The following MAGI2 variants were observed in gnomAD, a reference collection of about 807,000 sequenced individuals.
The protein encoded by MAGI2 is membrane-associated guanylate kinase, WW and PDZ domain-containing protein 2.
Under a neutral mutation model 133.3 loss-of-function variants are expected in MAGI2, and 35 were observed. That is an observed-to-expected ratio of 0.26 (90% CI 0.20 to 0.35). MAGI2 has a LOEUF of 0.35. Among genes scored for constraint, MAGI2 ranks in the 10% least tolerant of loss-of-function variants. The pLI is 1.00. For missense variants in MAGI2, 1,636 were observed against 1,863.4 expected, an observed-to-expected ratio of 0.88 and a Z score of 2.25; for synonymous variants, 729 against 710.6, an observed-to-expected ratio of 1.03 and a Z score of -0.41.
At chr7:78,496,438 G>T (rs1406381959) in intron 5 of MAGI2, among the ~76,000 whole-genome samples, 1 of 152,180 alleles carries the variant, frequency 6.6e-6, no homozygotes, top group African/African-American at 2.4e-5. Context: ...CCCAAACAAA[G>T]AAGTAATTTA....
At chr7:78,075,376 CTTT>C (rs34396344) in intron 21 of MAGI2, among the ~76,000 whole-genome samples, 3 of 126,496 alleles carry the variant, frequency 2.4e-5, no homozygotes, top group Non-Finnish European at 3.2e-5. Flanking sequence ...TGTAATAAAT[CTTT>C]TTTTTTTTTT....
intron 3 of MAGI2, among the ~76,000 whole-genome samples, chr7:78,576,982 G>C (rs1317268669): frequency 1.3e-5 from 2 of 152,084 alleles, no homozygotes; most frequent in African/African-American, 4.8e-5. Flanking sequence ...ACACAACTTT[G>C]TTAAAACAAA....
intron 2 of MAGI2, among the ~76,000 whole-genome samples, chr7:78,950,846 GA>G: frequency 6.6e-6 from 1 of 152,064 alleles, no homozygotes; most frequent in East Asian, 1.9e-4. Context: ...TTAGAACAGG[GA>G]AAAATCTATG....
chr7:79,405,815 T>C (rs1335206034), intron 1 of MAGI2, among the ~76,000 whole-genome samples: 1 of 151,250 alleles, frequency 6.6e-6, no homozygotes, highest in Non-Finnish European at 1.5e-5. Flanking sequence ...TTGACTGAGC[T>C]AATATATTTG....
At chr7:79,128,803 T>C (rs895095348) in intron 1 of MAGI2, among the ~76,000 whole-genome samples, 1 of 152,212 alleles carries the variant, frequency 6.6e-6, no homozygotes, top group African/African-American at 2.4e-5. Flanking sequence ...CCTATCATCG[T>C]AAGTTGAAAA....
intron 4 of MAGI2, among the ~76,000 whole-genome samples, chr7:78,512,751 C>A (rs560479670): frequency 6.6e-6 from 1 of 152,108 alleles, no homozygotes. Context: ...ATGCATATTT[C>A]GTGCCTCACA....
At chr7:78,108,710 G>A (rs542856087) in intron 20 of MAGI2, among the ~76,000 whole-genome samples, 2 of 117,132 alleles carry the variant, frequency 1.7e-5, no homozygotes, top group Non-Finnish European at 4.1e-5. Flanking sequence ...ACATATGTGA[G>A]TGTATATATG....
intron 2 of MAGI2, among the ~76,000 whole-genome samples, chr7:78,758,146 C>CTTATT (rs1210070692): frequency 1.3e-5 from 2 of 152,106 alleles, no homozygotes; most frequent in Admixed American, 6.5e-5. Flanking sequence ...CTTTTTCCTA[C>CTTATT]TTATTTTATT....
At chr7:79,225,909 GTTA>G (rs1414613256) in intron 1 of MAGI2, among the ~76,000 whole-genome samples, 1 of 152,130 alleles carries the variant, frequency 6.6e-6, no homozygotes, top group African/African-American at 2.4e-5. Context: ...TGGGAAAATA[GTTA>G]TTATGAGATA....
chr7:79,009,751 G>A (rs1250478496), intron 1 of MAGI2, among the ~76,000 whole-genome samples: 1 of 152,048 alleles, frequency 6.6e-6, no homozygotes, highest in Non-Finnish European at 1.5e-5. Context: ...TAGCCCAGAA[G>A]GAAATGGACA....
intron 3 of MAGI2, among the ~76,000 whole-genome samples, chr7:78,569,078 A>G (rs1361288856): frequency 1.3e-5 from 2 of 151,936 alleles, no homozygotes; most frequent in African/African-American, 4.8e-5. Context: ...TTCCCTGACC[A>G]TGCACCGTGA....
chr7:79,200,975 G>C (rs1828558637), intron 1 of MAGI2, among the ~76,000 whole-genome samples: 1 of 151,976 alleles, frequency 6.6e-6, no homozygotes, highest in Non-Finnish European at 1.5e-5. Flanking sequence ...ATTTTCTGTA[G>C]GGCCTAAAAT....
At chr7:78,802,419 G>C (rs1050042539) in intron 2 of MAGI2, among the ~76,000 whole-genome samples, 1 of 152,082 alleles carries the variant, frequency 6.6e-6, no homozygotes, top group African/African-American at 2.4e-5. Flanking sequence ...CATGTATCTG[G>C]CTTTTTAACA....
At chr7:78,808,006 T>C (rs1788728572) in intron 2 of MAGI2, among the ~76,000 whole-genome samples, 6 of 152,170 alleles carry the variant, frequency 3.9e-5, no homozygotes, top group Admixed American at 3.9e-4. Flanking sequence ...TTGTGGTTTA[T>C]ACTCTAAGGA....
chr7:78,687,438 T>C (rs1368686260), intron 2 of MAGI2, among the ~76,000 whole-genome samples: 1 of 152,060 alleles, frequency 6.6e-6, no homozygotes, highest in East Asian at 1.9e-4. Context: ...TTCCTAAAAA[T>C]TGGAAATGCT....
At chr7:78,707,237 G>GA (rs1391894771) in intron 2 of MAGI2, among the ~76,000 whole-genome samples, 4 of 151,960 alleles carry the variant, frequency 2.6e-5, no homozygotes, top group South Asian at 4.2e-4. Context: ...CAAGGGAAGG[G>GA]AAAAAAATGA....
At chr7:78,292,843 CT>C (rs1436820102) in intron 9 of MAGI2, among the ~76,000 whole-genome samples, 1 of 152,186 alleles carries the variant, frequency 6.6e-6, no homozygotes, top group African/African-American at 2.4e-5. Context: ...AAAGGATTCC[CT>C]ATTTAATAAA....
chr7:78,771,719 A>G (rs1012990728), intron 2 of MAGI2, among the ~76,000 whole-genome samples: 12 of 152,122 alleles, frequency 7.9e-5, no homozygotes, highest in African/African-American at 2.9e-4. Flanking sequence ...TTTGACATCC[A>G]TTTAAACTTA....
intron 21 of MAGI2, among the ~76,000 whole-genome samples, chr7:78,077,326 T>C (rs918945210): frequency 1.3e-5 from 2 of 152,116 alleles, no homozygotes; most frequent in Non-Finnish European, 1.5e-5. Flanking sequence ...AAGGTTATTC[T>C]ATTCCAAGAG....
Sources: allele counts gnomAD v4.1 joint callset (sites outside exome capture counted in the v4.1 genomes callset), GRCh38; gene constraint gnomAD v4.1.1; transcripts MANE v1.5; gene names NCBI Gene and HGNC (gene_info 2026-07-23, HGNC 2026-07-21).